Variants in SMARCC2 observed in about 807,000 individuals in gnomAD.
SMARCC2 encodes SWI/SNF related BAF chromatin remodeling complex subunit C2.
In SMARCC2, 15 loss-of-function variants were observed where a neutral mutation model predicts 151.3. That is an observed-to-expected ratio of 0.10 (90% CI 0.07 to 0.15). The LOEUF (loss-of-function observed/expected upper bound fraction) is 0.15, where lower values mean the gene tolerates loss of function less well. Ranked by LOEUF, SMARCC2 falls within the 10% of genes least tolerant of loss-of-function variation. The probability of loss-of-function intolerance (pLI) is 1.00; values close to 1 mark genes in which losing one functional copy is unlikely to be tolerated. For missense variants in SMARCC2, 1,031 were observed against 1,599.7 expected (o/e 0.64, Z 6.06); for synonymous variants, 590 against 609.5 (o/e 0.97, Z 0.47).
At chr12:56,184,652 C>G in intron 5 of SMARCC2, 192 bp downstream of exon 5, 1 of 587,624 alleles carries the variant, frequency 1.7e-6, no homozygotes. Context: ...TAATGCAAAC[C>G]TGTCAGGACT....
chr12:56,174,466 C>T (rs1874554943), intron 16 of SMARCC2, 185 bp downstream of exon 16: 3 of 575,170 alleles, frequency 5.2e-6, no homozygotes, highest in East Asian at 5.7e-5. Context: ...ATATTCTACA[C>T]TTCAGAGAAT....
chr12:56,170,257 CGTCTGT>C (rs1389412304), intron 22 of SMARCC2, 49 bp from the exon 23 acceptor site: 3 of 1,484,304 alleles, frequency 2.0e-6, no homozygotes, highest in African/African-American at 1.4e-5. Flanking sequence ...AATACACAGT[CGTCTGT>C]GTCTAACACT....
chr12:56,172,127 TC>T, intron 20 of SMARCC2, 190 bp from the exon 21 acceptor site: 1 of 583,702 alleles, frequency 1.7e-6, no homozygotes, highest in Non-Finnish European at 2.9e-6. Flanking sequence ...ATGGCCCAAA[TC>T]CCCAGCCTGG....
In SMARCC2 at chr12:56,184,958, T is replaced by C. The variant is rs754964771; in HGVS notation, c.400-22A>G. The C allele has an allele frequency of 2.5e-6, 4 of 1,596,642 alleles. No individual in the cohort carries two copies. The South Asian group carries it at 4.4e-5, about 18-fold the overall frequency. On this transcript the variant is annotated intron_variant, in intron 4 of 28. Coordinates refer to ENST00000550164, the MANE Select transcript of SMARCC2 (RefSeq NM_001330288.2). ...TATTCTGTGGAGAGAAGAAATAGAATGAGATTATAGGAAAGGGGTGTTTTA... is the reference window on the plus strand; with the variant it reads ...TATTCTGTGGAGAGAAGAAATAGAACGAGATTATAGGAAAGGGGTGTTTTA...
At chr12:56,179,163 T>A (rs1319920548) in intron 11 of SMARCC2, 107 bp from the exon 12 acceptor site, 2 of 887,118 alleles carry the variant, frequency 2.3e-6, no homozygotes, top group Non-Finnish European at 3.7e-6. Context: ...TCCACCTGAT[T>A]GCAAAATATA....
chr12:56,189,052 G>A (rs545296559), intron 1 of SMARCC2, among the ~76,000 whole-genome samples: 2 of 152,078 alleles, frequency 1.3e-5, no homozygotes, highest in African/African-American at 4.8e-5. Flanking sequence ...GAAAAGCCAG[G>A]AGGGCGATGG....
intron 2 of SMARCC2, 141 bp downstream of exon 2, chr12:56,187,046 C>A: frequency 1.3e-6 from 1 of 754,280 alleles, no homozygotes; most frequent in Non-Finnish European, 2.1e-6. Flanking sequence ...CAATAATGCC[C>A]TGATCAGGGA....
chr12:56,182,818 A>C (rs1421759247), intron 7 of SMARCC2, among the ~76,000 whole-genome samples: 8 of 140,092 alleles, frequency 5.7e-5, no homozygotes, highest in Non-Finnish European at 1.1e-4. Context: ...AATCATAACC[A>C]TACTAGATGA....
In SMARCC2 at chr12:56,165,368, G is replaced by A. The variant is rs749834563; in HGVS notation, c.3182C>T (p.Ala1061Val). The A allele has an allele frequency of 1.0e-5, 15 of 1,504,568 alleles. No individual in the cohort carries two copies. In the South Asian group the frequency reaches 1.9e-4, roughly 19 times the overall value. The allele number at this position is 1,504,568 out of a possible 1,614,324, so 93.2% of individuals were successfully genotyped here. Residue 1061 changes from alanine to valine, a missense_variant, in exon 27 of 29, where the codon GCC (alanine) becomes GTC (valine). Physicochemically the swap from Ala to Val is moderately conservative, Grantham distance 64. Around this residue, in one of 12 missense-constraint regions of SMARCC2, gnomAD observed 310 missense variants for 350.0 expected, o/e 0.89. Coordinates refer to ENST00000550164, the MANE Select transcript of SMARCC2 (RefSeq NM_001330288.2). The stretch of plus-strand genomic sequence containing the variant: ...TGGTGGGACTGCCCCAGGCTGGGGG[G>A]CTCCAGCTGGTTGCTGCTGCTGTGG... ...AGPQQQQPAG[A>V]PQPGAVPPGV...
At chr12:56,180,865 A>C in intron 11 of SMARCC2, 112 bp downstream of exon 11, 1 of 1,126,212 alleles carries the variant, frequency 8.9e-7, no homozygotes, top group Non-Finnish European at 1.3e-6. Context: ...TTTAAGGAAA[A>C]GATCCTGTAG....
At chr12:56,176,471 G>C (rs190446615) in intron 15 of SMARCC2, among the ~76,000 whole-genome samples, 19 of 152,238 alleles carry the variant, frequency 1.2e-4, no homozygotes, top group Admixed American at 1.0e-3. Flanking sequence ...GGTTTGGCCT[G>C]AGGCAAAATC....
At chr12:56,180,592 TG>T (rs1360079475) in intron 11 of SMARCC2, among the ~76,000 whole-genome samples, 2 of 146,816 alleles carry the variant, frequency 1.4e-5, no homozygotes, top group African/African-American at 2.5e-5. Context: ...TTAGTAGAGA[TG>T]GGGTTTCACC....
Position 56,164,659 on chromosome 12 carries a change from G to A in SMARCC2, c.3305C>T (p.Pro1102Leu). Residue 1102 changes from proline to leucine, a missense_variant, in exon 28 of 29, where the codon CCA (proline) becomes CTA (leucine). Pro to Leu is a moderately conservative substitution (Grantham distance 98). Around this residue, in one of 12 missense-constraint regions of SMARCC2, gnomAD observed 310 missense variants for 350.0 expected, o/e 0.89. Transcript: ENST00000550164. ...MPGAVPGSGH[P>L]GVAGNAPLGL... ...CAAAGGAGCATTACCCGCCACGCCTGGGTGCCCGCTGCCTGGCACTGCCCC... is the reference window on the plus strand; with the variant it reads ...CAAAGGAGCATTACCCGCCACGCCTAGGTGCCCGCTGCCTGGCACTGCCCC... 2 of 1,612,510 alleles carry A rather than the reference G, an allele frequency of 1.2e-6. No individual in the cohort carries two copies. Among genetic ancestry groups the A allele is most frequent in the East Asian group, 4.5e-5 (2 of 44,854 alleles).
In SMARCC2 at chr12:56,181,333, A is replaced by G. The variant is rs1007583060; in HGVS notation, c.956+149T>C. 1.5e-5 allele frequency: 10 copies of G among 645,412 alleles called. No individual in the cohort carries two copies. In the African/African-American group the frequency reaches 1.7e-4, roughly 11 times the overall value. 40.0% of individuals were successfully genotyped at this position (645,412 alleles called of 1,614,324 possible). A position where few individuals can be genotyped will look rare whatever the true frequency, so the allele number is the denominator to read the frequency against. On this transcript the variant is annotated intron_variant, in intron 10 of 28. Transcript: ENST00000550164. Reference sequence around the variant, plus strand: ...AGAACTAACAACTGAGCAGCTAAAGATCTCCTCATCTTCCCTCTCAGGACA... The same window carrying G: ...AGAACTAACAACTGAGCAGCTAAAGGTCTCCTCATCTTCCCTCTCAGGACA...
chr12:56,169,555 GGGC>G lies in SMARCC2; in HGVS notation c.2686_2688del (p.Ala896del). 6.2e-7 allele frequency: 1 copy of G among 1,614,184 alleles called. No individual in the cohort carries two copies. Among genetic ancestry groups the G allele is most frequent in the Non-Finnish European group, 8.5e-7 (1 of 1,180,012 alleles). ...TTAGCTTTCACTGCGGCGGCGGCCA[GGGC>G]GGCGGCAGCAGCGGTGGAGAGGTTG... On this transcript the variant is annotated inframe_deletion, in exon 25 of 29. Transcript: ENST00000550164.
In SMARCC2 at chr12:56,184,157, G is replaced by A; in HGVS notation, c.562+18C>T. On this transcript the variant is annotated intron_variant, in intron 6 of 28. Transcript: ENST00000550164. Reference sequence around the variant, plus strand: ...TCCAAACCATCCACTCAAGTGGACAGGAAAACCCAGGTCTCACCTTCTTCT... The same window carrying A: ...TCCAAACCATCCACTCAAGTGGACAAGAAAACCCAGGTCTCACCTTCTTCT... The A allele has an allele frequency of 6.2e-7, 1 of 1,601,708 alleles. No individual in the cohort carries two copies. Among genetic ancestry groups the A allele is most frequent in the Non-Finnish European group, 8.6e-7 (1 of 1,169,124 alleles).
chr12:56,178,844 TC>T lies in SMARCC2; in HGVS notation c.1144del (p.Glu382AsnfsTer36), dbSNP rs1565912883. On this transcript the variant is annotated frameshift_variant and splice_region_variant, in exon 13 of 29. Coordinates refer to ENST00000550164, the MANE Select transcript of SMARCC2 (RefSeq NM_001330288.2). LOFTEE classifies it high-confidence loss of function. ...VKGGTMTDLD[E>X]QEDESMETTG... ...CGTCTCCATGCTTTCATCTTCCTGT[TC>T]ATCTGAAAGAGAAAAACCAAGATGT... The T allele has an allele frequency of 6.2e-7, 1 of 1,614,018 alleles. No individual in the cohort carries two copies. The highest frequency in any genetic ancestry group is 8.5e-7 in the Non-Finnish European group (1 of 1,180,004).
chr12:56,164,292 C>A lies in SMARCC2; in HGVS notation c.3661+11G>T. 5 of 1,611,424 alleles carry A rather than the reference C, an allele frequency of 3.1e-6. No individual in the cohort carries two copies. The highest frequency in any genetic ancestry group is 4.2e-6 in the Non-Finnish European group (5 of 1,179,548). ...CTCCCTCACCCTTCTCCCCTCTTGG[C>A]CCCTTCTCACCTGGCAGTGGGCTGG... On this transcript the variant is annotated intron_variant, in intron 28 of 28. Coordinates refer to ENST00000550164, the MANE Select transcript of SMARCC2 (RefSeq NM_001330288.2).
rs1413445342 is a variant in SMARCC2 at position 56,172,596 on chromosome 12, C to T, written c.1852G>A (p.Val618Ile). The T allele has an allele frequency of 5.6e-6, 9 of 1,614,202 alleles. No individual in the cohort carries two copies. The highest frequency in any genetic ancestry group is 5.0e-5 in the Admixed American group (3 of 60,028). The change falls in exon 19 of 29, where the codon GTT (valine) becomes ATT (isoleucine). Residue 618 changes from valine to isoleucine, a missense_variant. Val to Ile is a conservative substitution (Grantham distance 29, BLOSUM62 3). Around this residue, in one of 12 missense-constraint regions of SMARCC2, gnomAD observed 99 missense variants for 148.3 expected, o/e 0.67. Coordinates refer to ENST00000550164, the MANE Select transcript of SMARCC2 (RefSeq NM_001330288.2). ...CCCGCACCTCCTACCTTGGAGGGAA[C>T]ATTCTTTTTTGTGTACATGTCTGTG... is the stretch of plus-strand genomic sequence containing the variant. ...LRTDMYTKKN[V>I]PSKSKAAASA...
Sources: gnomAD v4.1 joint callset for allele counts (sites outside exome capture counted in the v4.1 genomes callset) on GRCh38, gnomAD v4.1.1 for gene constraint, gnomAD v4.1.1 regional missense constraint, MANE v1.5 for transcripts, NCBI Gene and HGNC (gene_info 2026-07-23, HGNC 2026-07-21) for gene names.